The following SPOCK1 variants were observed in gnomAD, a reference collection of about 807,000 sequenced individuals.
SPOCK1 encodes testican-1.
Under a neutral mutation model 55.3 loss-of-function variants are expected in SPOCK1, and 23 were observed. The ratio of observed to expected loss-of-function variants is 0.42; its 90% CI spans 0.30 to 0.59. The LOEUF (loss-of-function observed/expected upper bound fraction) is 0.59, where lower values mean the gene tolerates loss of function less well. Among genes scored for constraint, SPOCK1 ranks in the 20% least tolerant of loss-of-function variants. SPOCK1 has a pLI of 0.22. For missense variants in SPOCK1, 499 were observed against 552.5 expected (o/e 0.90, Z 0.97); for synonymous variants, 226 against 221.0 (o/e 1.02, Z -0.20).
chr5:137,113,851 G>A (rs981608811), intron 4 of SPOCK1, among the ~76,000 whole-genome samples: 4 of 152,116 alleles, frequency 2.6e-5, no homozygotes, highest in Non-Finnish European at 5.9e-5. Context: ...AGCAGAAGAC[G>A]GAAATATTTT....
rs775586377 is a variant in SPOCK1, at chr5:137,391,137, C to T, written c.186+107236G>A. On this transcript the variant is annotated intron_variant, in intron 2 of 10. Coordinates refer to ENST00000394945, the MANE Select transcript of SPOCK1 (RefSeq NM_004598.4). ...TCATTGTTCTATTCCCACTTATGAG[C>T]GAGAACACGCAGTGTCTGGTGTTTT... Among the ~76,000 whole-genome samples the T allele has an allele frequency of 5.3e-5, 8 of 152,160 alleles. No individual in the cohort carries two copies. In the South Asian group the frequency reaches 6.2e-4, roughly 12 times the overall value.
chr5:137,165,965 G>A (rs1754641189), intron 3 of SPOCK1, among the ~76,000 whole-genome samples: 1 of 152,096 alleles, frequency 6.6e-6, no homozygotes, highest in Non-Finnish European at 1.5e-5. Context: ...CCTTAAAGAG[G>A]ACGTAGAGAA....
intron 5 of SPOCK1, among the ~76,000 whole-genome samples, chr5:137,097,191 T>TG (rs902481327): frequency 2.6e-5 from 4 of 152,062 alleles, no homozygotes; most frequent in Non-Finnish European, 5.9e-5. Flanking sequence ...AGCTGGCCAC[T>TG]GGGGGGTAGA....
intron 6 of SPOCK1, among the ~76,000 whole-genome samples, chr5:137,043,777 G>C (rs1416984885): frequency 2.0e-5 from 3 of 152,170 alleles, no homozygotes; most frequent in Non-Finnish European, 4.4e-5. Flanking sequence ...TGAGGAAAAT[G>C]TTAGCAAAGC....
chr5:137,399,466 T>C (rs1751928788), intron 2 of SPOCK1, among the ~76,000 whole-genome samples: 2 of 151,940 alleles, frequency 1.3e-5, no homozygotes, highest in South Asian at 2.1e-4. Flanking sequence ...ACTTGGTGAG[T>C]TTGCAGATAA....
chr5:137,327,441 G>T (rs1420228227), intron 2 of SPOCK1, among the ~76,000 whole-genome samples: 1 of 151,996 alleles, frequency 6.6e-6, no homozygotes, highest in Non-Finnish European at 1.5e-5. Context: ...ATAACATAAC[G>T]AAGTGTTAAA....
intron 4 of SPOCK1, among the ~76,000 whole-genome samples, chr5:137,116,618 C>T (rs1402728072): frequency 6.6e-6 from 1 of 151,998 alleles, no homozygotes; most frequent in East Asian, 1.9e-4. Flanking sequence ...TGCACTCCAG[C>T]CTGGGCAACA....
chr5:137,017,181 G>GAGGC (rs1255542627), intron 6 of SPOCK1, among the ~76,000 whole-genome samples: 1 of 152,244 alleles, frequency 6.6e-6, no homozygotes, highest in African/African-American at 2.4e-5. Flanking sequence ...TCAGCCACAG[G>GAGGC]AGGCAGCACA....
intron 6 of SPOCK1, among the ~76,000 whole-genome samples, chr5:137,010,385 G>A (rs928850246): frequency 6.6e-6 from 1 of 152,004 alleles, no homozygotes; most frequent in Non-Finnish European, 1.5e-5. Context: ...CCACCATGGA[G>A]AGGGATAACT....
At chr5:137,252,768 C>T (rs1756560326) in intron 3 of SPOCK1, among the ~76,000 whole-genome samples, 1 of 152,218 alleles carries the variant, frequency 6.6e-6, no homozygotes, top group Admixed American at 6.5e-5. Context: ...TACAATTAAT[C>T]TGGCATGCAC....
chr5:137,373,185 C>G (rs565409001), intron 2 of SPOCK1, among the ~76,000 whole-genome samples: 5 of 152,262 alleles, frequency 3.3e-5, no homozygotes, highest in Non-Finnish European at 5.9e-5. Flanking sequence ...CTCAAGTATT[C>G]TGTTATAGCA....
At chr5:137,385,343 T>C (rs1336000713) in intron 2 of SPOCK1, among the ~76,000 whole-genome samples, 1 of 152,184 alleles carries the variant, frequency 6.6e-6, no homozygotes, top group Admixed American at 6.5e-5. Flanking sequence ...AACTGGCTCT[T>C]CTGCATTGTA....
chr5:137,177,593 G>T (rs1354201809), intron 3 of SPOCK1, among the ~76,000 whole-genome samples: 1 of 151,986 alleles, frequency 6.6e-6, no homozygotes, highest in African/African-American at 2.4e-5. Context: ...GGGGGTGCTT[G>T]GAAAGGAGGA....
intron 2 of SPOCK1, among the ~76,000 whole-genome samples, chr5:137,454,664 G>A (rs1031956065): frequency 4.6e-5 from 7 of 152,188 alleles, no homozygotes; most frequent in Non-Finnish European, 7.3e-5. Flanking sequence ...TTCCTCTATG[G>A]AAGGATAAAT....
At chr5:137,286,635 A>G (rs1373828821) in intron 2 of SPOCK1, among the ~76,000 whole-genome samples, 1 of 152,138 alleles carries the variant, frequency 6.6e-6, no homozygotes, top group Non-Finnish European at 1.5e-5. Context: ...TCCAGGGGAG[A>G]CTGCAGCCTA....
chr5:137,461,373 A>G (rs991117190), intron 2 of SPOCK1, among the ~76,000 whole-genome samples: 1 of 152,210 alleles, frequency 6.6e-6, no homozygotes, highest in African/African-American at 2.4e-5. Flanking sequence ...GGTATTGTGT[A>G]TGCTCACATC....
chr5:137,334,019 G>T (rs145759527), intron 2 of SPOCK1, among the ~76,000 whole-genome samples: 4 of 152,234 alleles, frequency 2.6e-5, no homozygotes, highest in African/African-American at 9.6e-5. Context: ...GAGTTTAAAG[G>T]GTGCCCCGTC....
At chr5:137,144,552 G>A (rs1006579536) in intron 3 of SPOCK1, among the ~76,000 whole-genome samples, 4 of 152,134 alleles carry the variant, frequency 2.6e-5, no homozygotes, top group Admixed American at 2.6e-4. Flanking sequence ...TCACCTCGCC[G>A]CATTTTGTTT....
chr5:137,254,997 T>C (rs774813521), intron 3 of SPOCK1, among the ~76,000 whole-genome samples: 5 of 152,220 alleles, frequency 3.3e-5, no homozygotes, highest in Non-Finnish European at 7.3e-5. Context: ...CTGATGGAGA[T>C]GCAGGCCAAC....
Sources: allele counts gnomAD v4.1 joint callset (sites outside exome capture counted in the v4.1 genomes callset), GRCh38; gene constraint gnomAD v4.1.1; transcripts MANE v1.5; gene names NCBI Gene and HGNC (gene_info 2026-07-23, HGNC 2026-07-21).